Variants in C1QTNF5 observed in about 807,000 individuals in gnomAD.
The protein encoded by C1QTNF5 is C1q and TNF related 5, also known as complement C1q tumor necrosis factor-related protein 5.
A neutral mutation model predicts 10.9 loss-of-function variants in C1QTNF5; 5 were observed. That is an observed-to-expected ratio of 0.46 (90% CI 0.24 to 0.97). The LOEUF (loss-of-function observed/expected upper bound fraction) is 0.97, where lower values mean the gene tolerates loss of function less well. Ranked by LOEUF, C1QTNF5 falls within the 50% of genes least tolerant of loss-of-function variation. C1QTNF5 has a pLI of 0.19. For synonymous variants in C1QTNF5, 161 were observed against 156.5 expected (o/e 1.03, Z -0.22); for missense variants, 281 against 339.4 (o/e 0.83, Z 1.35).
chr11:119,341,546 G>T, upstream of C1QTNF5: 1 of 1,611,782 alleles, frequency 6.2e-7, no homozygotes, highest in Non-Finnish European at 8.5e-7. Context: ...CCGGCTTCAG[G>T]GTCAGGGCTG....
chr11:119,346,556 CCAAGACCCCCAAGGGCCCA>C, the C1QTNF5 span: 1 of 1,599,676 alleles, frequency 6.3e-7, no homozygotes, highest in Non-Finnish European at 8.6e-7. Flanking sequence ...CTGTGACAGC[CCAAGACCCCCAAGGGCCCA>C]CTCGCTGACC....
rs373753331 is a variant in C1QTNF5 at position 119,339,329 on chromosome 11, C to T, written c.*2G>A. 4.3e-5 allele frequency: 69 copies of T among 1,612,034 alleles called. No individual in the cohort carries two copies. Among genetic ancestry groups the T allele is most frequent in the Non-Finnish European group, 5.1e-5 (60 of 1,178,868 alleles). ...GAGCATGAGCTCACTTTGCAGTGGG[C>T]ACTAAGCAAAGACTGGGGAGCTGTG... On this transcript the variant is annotated 3_prime_UTR_variant, in exon 3 of 3. Transcript: ENST00000528368. This position sits in a 1 kb window ranked among gnomAD's most constrained non-coding sequence, Gnocchi z 5.4.
chr11:119,346,518 CA>C, the C1QTNF5 span: 1 of 1,614,044 alleles, frequency 6.2e-7, no homozygotes, highest in South Asian at 1.1e-5. Flanking sequence ...CTTCATGGCA[CA>C]AGGCTCTGCA....
upstream of C1QTNF5, chr11:119,345,681 T>C (rs746441686): frequency 2.7e-5 from 44 of 1,612,180 alleles, no homozygotes; most frequent in Non-Finnish European, 3.6e-5. Context: ...AGTGAGGTCC[T>C]TTATTCTCAA....
chr11:119,344,445 A>C, upstream of C1QTNF5: 2 of 1,574,234 alleles, frequency 1.3e-6, no homozygotes, highest in Non-Finnish European at 1.7e-6. Context: ...CCTCCATCCA[A>C]TAGGGCTGGC....
chr11:119,345,192 T>C (rs186616104), upstream of C1QTNF5, among the ~76,000 whole-genome samples: 183 of 152,328 alleles, frequency 1.2e-3, no homozygotes, highest in Non-Finnish European at 2.1e-3. Context: ...TTGTAGCATC[T>C]ACTCATGGGG....
chr11:119,345,741 C>T, upstream of C1QTNF5: 2 of 1,613,368 alleles, frequency 1.2e-6, no homozygotes, highest in South Asian at 2.2e-5. Flanking sequence ...ATCTTGGGCC[C>T]TTCTCCCGGA....
upstream of C1QTNF5, chr11:119,345,794 C>A: frequency 1.2e-6 from 2 of 1,613,430 alleles, no homozygotes; most frequent in African/African-American, 2.7e-5. Flanking sequence ...GAGGGGCTCA[C>A]GCCTGACTCC....
At chr11:119,345,937 G>A (rs376343663), upstream of C1QTNF5, 35 of 1,613,756 alleles carry the variant, frequency 2.2e-5, no homozygotes, top group African/African-American at 1.2e-4. Flanking sequence ...CTCTGGAGGC[G>A]AGAAGATGGA....
At chr11:119,341,290 G>A, upstream of C1QTNF5, 1 of 549,226 alleles carries the variant, frequency 1.8e-6, no homozygotes, top group South Asian at 2.3e-5. Flanking sequence ...AAGAGGCCTG[G>A]ATGGGAAGTG....
upstream of C1QTNF5, chr11:119,341,901 T>C (rs753829685): frequency 4.3e-6 from 7 of 1,613,448 alleles, no homozygotes; most frequent in African/African-American, 1.3e-5. Flanking sequence ...TGGGTGATCA[T>C]GCCCACCCAG....
chr11:119,344,444 A>T, upstream of C1QTNF5: 1 of 1,577,588 alleles, frequency 6.3e-7, no homozygotes, highest in South Asian at 1.1e-5. Context: ...GCCTCCATCC[A>T]ATAGGGCTGG....
At chr11:119,345,916 G>A (rs1322173907), upstream of C1QTNF5, 4 of 1,613,560 alleles carry the variant, frequency 2.5e-6, no homozygotes, top group Non-Finnish European at 3.4e-6. Context: ...AGATGGGGGT[G>A]CAGCCTGCAG....
chr11:119,343,983 G>C, upstream of C1QTNF5: 1 of 1,610,656 alleles, frequency 6.2e-7, no homozygotes, highest in Non-Finnish European at 8.5e-7. Context: ...GGGCATAGGT[G>C]GAGCAATTCA....
chr11:119,344,019 G>A (rs1305511902), upstream of C1QTNF5: 10 of 1,605,442 alleles, frequency 6.2e-6, no homozygotes, highest in Non-Finnish European at 8.5e-6. Context: ...TCTCATCCCG[G>A]GCACCCAGAA....
chr11:119,340,123 T>C, intron 2 of C1QTNF5, 61 bp downstream of exon 2: 1 of 1,476,302 alleles, frequency 6.8e-7, no homozygotes, highest in Non-Finnish European at 9.0e-7. Context: ...CACCGGGAGC[T>C]GGAGCTGCGG....
chr11:119,341,900 A>C, upstream of C1QTNF5: 1 of 1,613,896 alleles, frequency 6.2e-7, no homozygotes, highest in Non-Finnish European at 8.5e-7. Flanking sequence ...CTGGGTGATC[A>C]TGCCCACCCA....
upstream of C1QTNF5, chr11:119,342,898 G>T (rs371946990): frequency 6.2e-7 from 1 of 1,613,056 alleles, no homozygotes; most frequent in Non-Finnish European, 8.5e-7. Context: ...AGGCCAGGTA[G>T]GTGGCTGAGA....
the C1QTNF5 span, chr11:119,346,405 G>A: frequency 1.2e-6 from 2 of 1,613,102 alleles, no homozygotes; most frequent in East Asian, 2.2e-5. Flanking sequence ...AGGGCTGAGG[G>A]CAGCAGTGAC....
Sources: gnomAD v4.1 joint callset for allele counts (sites outside exome capture counted in the v4.1 genomes callset) on GRCh38, gnomAD v4.1.1 for gene constraint, Gnocchi (gnomAD v3.1) non-coding constraint, MANE v1.5 for transcripts, NCBI Gene and HGNC (gene_info 2026-07-23, HGNC 2026-07-21) for gene names.